The following CDH8 variants were observed in gnomAD, a reference collection of about 807,000 sequenced individuals.
CDH8 encodes the protein cadherin-8.
Under a neutral mutation model 68.1 loss-of-function variants are expected in CDH8, and 17 were observed. The observed-to-expected ratio is 0.25, with a 90% CI of 0.17 to 0.37. CDH8 has a LOEUF of 0.37. Ranked by LOEUF, CDH8 falls within the 10% of genes least tolerant of loss-of-function variation. CDH8 has a pLI of 1.00. For synonymous variants in CDH8, 372 were observed against 365.1 expected (o/e 1.02, Z -0.21); for missense variants, 763 against 999.3 (o/e 0.76, Z 3.19).
chr16:61,697,043 C>A (rs1037141049), intron 10 of CDH8, among the ~76,000 whole-genome samples: 3 of 152,178 alleles, frequency 2.0e-5, no homozygotes, highest in African/African-American at 7.2e-5. Flanking sequence ...CAGCAACACA[C>A]AATTTACCCA....
Position 61,653,588 on chromosome 16 carries a change from G to A in CDH8, c.*20C>T. The stretch of plus-strand genomic sequence containing the variant: ...ATATTACAGAATGCTCAGTTCCAGT[G>A]ATTTATTTATAATCCACTGTCAAGT... On this transcript the variant is annotated 3_prime_UTR_variant, in exon 12 of 12. Coordinates refer to ENST00000577390, the MANE Select transcript of CDH8 (RefSeq NM_001796.5). 6.3e-7 allele frequency: 1 copy of A among 1,588,574 alleles called. No individual in the cohort carries two copies. Among genetic ancestry groups the A allele is most frequent in the Non-Finnish European group, 8.6e-7 (1 of 1,168,730 alleles).
intron 7 of CDH8, among the ~76,000 whole-genome samples, chr16:61,804,490 G>C (rs1961749729): frequency 6.6e-6 from 1 of 150,758 alleles, no homozygotes; most frequent in South Asian, 2.1e-4. Context: ...GAAGGAAATA[G>C]AGACACAAAA....
At chr16:61,770,170 G>C (rs563698645) in intron 8 of CDH8, among the ~76,000 whole-genome samples, 2 of 151,966 alleles carry the variant, frequency 1.3e-5, no homozygotes, top group African/African-American at 2.4e-5. Flanking sequence ...TTGTTATGAG[G>C]ATTGAATGAA....
chr16:61,930,777 C>T (rs1597073379), intron 2 of CDH8, among the ~76,000 whole-genome samples: 1 of 152,102 alleles, frequency 6.6e-6, no homozygotes, highest in Admixed American at 6.5e-5. Flanking sequence ...CTCCTTGGAC[C>T]ATTAAGGATT....
chr16:61,808,377 C>T (rs1050734660), intron 7 of CDH8, among the ~76,000 whole-genome samples: 2 of 152,034 alleles, frequency 1.3e-5, no homozygotes, highest in Non-Finnish European at 2.9e-5. Flanking sequence ...TATAATAAAA[C>T]CATGAAGGAA....
Position 61,647,928 on chromosome 16 carries a change from G to A in CDH8, c.*5680C>T, listed in dbSNP as rs1192467807. On this transcript the variant is annotated 3_prime_UTR_variant, in exon 12 of 12. Coordinates refer to ENST00000577390, the MANE Select transcript of CDH8 (RefSeq NM_001796.5). ...AGAAATATCTATTATCTATTAGTAG[G>A]GATACTTGCAAGAAATAATACTTGC... 1.5e-6 allele frequency: 1 copy of A among 677,858 alleles called. No homozygotes were observed. Among genetic ancestry groups the A allele is most frequent in the East Asian group, 2.7e-5 (1 of 36,722 alleles). The allele number at this position is 677,858 out of a possible 1,614,324, so 42.0% of individuals were successfully genotyped here.
At chr16:61,673,265 T>C (rs867671765) in intron 10 of CDH8, among the ~76,000 whole-genome samples, 1 of 152,250 alleles carries the variant, frequency 6.6e-6, no homozygotes, top group Middle Eastern at 3.4e-3. Flanking sequence ...TCTCCTTTTC[T>C]TCCTCACAGA....
chr16:61,807,185 A>C (rs970025224), intron 7 of CDH8, among the ~76,000 whole-genome samples: 1 of 151,480 alleles, frequency 6.6e-6, no homozygotes, highest in Non-Finnish European at 1.5e-5. Flanking sequence ...ACATGGATGA[A>C]ATTGGAAATC....
At chr16:61,838,203 T>C (rs541398312) in intron 4 of CDH8, among the ~76,000 whole-genome samples, 1 of 152,264 alleles carries the variant, frequency 6.6e-6, no homozygotes, top group African/African-American at 2.4e-5. Flanking sequence ...ATGACTCTCC[T>C]TTGGCTTACA....
chr16:61,874,902 C>G (rs1963433861), intron 3 of CDH8, among the ~76,000 whole-genome samples: 1 of 152,098 alleles, frequency 6.6e-6, no homozygotes, highest in Admixed American at 6.5e-5. Context: ...TTCCTAAGAC[C>G]CCATAGACTG....
chr16:61,841,389 C>A (rs148327616), intron 4 of CDH8, among the ~76,000 whole-genome samples: 321 of 152,226 alleles, frequency 2.1e-3, no homozygotes, highest in Non-Finnish European at 3.4e-3. Context: ...ATAGATGGAA[C>A]TGGAGATCAT....
At chr16:61,968,965 T>C (rs2150575642) in intron 2 of CDH8, among the ~76,000 whole-genome samples, 1 of 152,352 alleles carries the variant, frequency 6.6e-6, no homozygotes, top group Non-Finnish European at 1.5e-5. Context: ...TGGATTATTT[T>C]TTCTTGGCAA....
At chr16:61,902,909 C>A (rs372698554) in intron 2 of CDH8, among the ~76,000 whole-genome samples, 1 of 152,042 alleles carries the variant, frequency 6.6e-6, no homozygotes, top group Non-Finnish European at 1.5e-5. Flanking sequence ...TATTGAAATG[C>A]CACTTTATCT....
At chr16:61,952,160 C>T (rs1435468091) in intron 2 of CDH8, among the ~76,000 whole-genome samples, 1 of 152,026 alleles carries the variant, frequency 6.6e-6, no homozygotes, top group Non-Finnish European at 1.5e-5. Flanking sequence ...TAATAGGAGT[C>T]AAAATAATGA....
chr16:61,726,395 A>G (rs1406047493), intron 9 of CDH8: 2 of 149,378 alleles, frequency 1.3e-5, no homozygotes, highest in African/African-American at 4.9e-5. Context: ...TTGTTTAACT[A>G]TTTTCCTCCC....
At chr16:61,766,058 G>C (rs1960581427) in intron 8 of CDH8, among the ~76,000 whole-genome samples, 1 of 151,852 alleles carries the variant, frequency 6.6e-6, no homozygotes, top group South Asian at 2.1e-4. Flanking sequence ...TTGTGGAGTG[G>C]TGAAGTCTAA....
At chr16:61,995,618 C>T (rs1167720683) in intron 2 of CDH8, among the ~76,000 whole-genome samples, 1 of 152,178 alleles carries the variant, frequency 6.6e-6, no homozygotes, top group Non-Finnish European at 1.5e-5. Context: ...ATCTTGTGAT[C>T]TGCCTGCCTT....
intron 3 of CDH8, among the ~76,000 whole-genome samples, chr16:61,885,598 A>C (rs751607295): frequency 6.6e-6 from 1 of 152,076 alleles, no homozygotes; most frequent in Non-Finnish European, 1.5e-5. Flanking sequence ...CTTTCATTTA[A>C]GTTTGACATT....
intron 3 of CDH8, among the ~76,000 whole-genome samples, chr16:61,868,015 TA>T (rs1355512188): frequency 6.6e-6 from 1 of 152,184 alleles, no homozygotes; most frequent in Non-Finnish European, 1.5e-5. Context: ...GTTCAAATTA[TA>T]AGCATGAATC....
Sources: gnomAD v4.1 joint callset for allele counts (sites outside exome capture counted in the v4.1 genomes callset) on GRCh38, gnomAD v4.1.1 for gene constraint, MANE v1.5 for transcripts, NCBI Gene and HGNC (gene_info 2026-07-23, HGNC 2026-07-21) for gene names.